USP6NL: variants seen among roughly 807,000 people sequenced by gnomAD.
USP6NL encodes USP6 N-terminal like.
Under a neutral mutation model 61.9 loss-of-function variants are expected in USP6NL, and 26 were observed. The observed-to-expected ratio is 0.42, with a 90% CI of 0.31 to 0.58. The LOEUF is 0.58. Among genes scored for constraint, USP6NL ranks in the 20% least tolerant of loss-of-function variants. The pLI, the probability that USP6NL is intolerant of heterozygous loss-of-function variation, is 0.16. For synonymous variants in USP6NL, 432 were observed against 390.1 expected (o/e 1.11, Z -1.27); for missense variants, 1,114 against 1,034.3 (o/e 1.08, Z -1.06).
chr10:11,544,504 T>A (rs76721980), intron 2 of USP6NL, among the ~76,000 whole-genome samples: 3 of 152,106 alleles, frequency 2.0e-5, no homozygotes, highest in African/African-American at 7.2e-5. Context: ...TTTTTTTTTT[T>A]AAGACAGAAT....
At position 11,585,463 on chromosome 10, in the gene USP6NL, C is replaced by T. The variant is rs569744573; in HGVS notation, c.4+12168G>A. 2.0e-5 allele frequency among the ~76,000 whole-genome samples: 3 copies of T among 152,228 alleles called. No individual in the cohort carries two copies. Among genetic ancestry groups the T allele is most frequent in the South Asian group, 2.1e-4 (1 of 4,826 alleles). ...GAAGCACGAGGTCAGGAGATTGAGA[C>T]CATCCTGGCTAACACAGTGAAACCC... On this transcript the variant is annotated intron_variant, in intron 2 of 14. Coordinates refer to ENST00000609104, the MANE Select transcript of USP6NL (RefSeq NM_014688.5). This position sits in a 1 kb window ranked among gnomAD's most constrained non-coding sequence, Gnocchi z 4.5.
chr10:11,546,632 G>T (rs145841404), intron 2 of USP6NL, among the ~76,000 whole-genome samples: 3 of 152,174 alleles, frequency 2.0e-5, no homozygotes, highest in Admixed American at 1.3e-4. Context: ...TGCCCAGACT[G>T]GTCTCAAACG....
At position 11,495,875 on chromosome 10, in the gene USP6NL, T is replaced by C. The variant is rs188141142; in HGVS notation, c.385-2647A>G. On this transcript the variant is annotated intron_variant, in intron 7 of 14. Coordinates refer to ENST00000609104, the MANE Select transcript of USP6NL (RefSeq NM_014688.5). The surrounding 1 kb of genome is among the most constrained non-coding windows in gnomAD (Gnocchi z 4.6). ...AAAAGTGGGACACAAAAAAGCTGCATGCCTGGGTGAGGCTTCCTGACTGTG... is the reference window on the plus strand; with the variant it reads ...AAAAGTGGGACACAAAAAAGCTGCACGCCTGGGTGAGGCTTCCTGACTGTG... Among the ~76,000 whole-genome samples the C allele has an allele frequency of 8.8e-4, 134 of 152,364 alleles. No homozygotes were observed. Among genetic ancestry groups the C allele is most frequent in the Non-Finnish European group, 1.4e-3 (95 of 68,036 alleles).
At chr10:11,523,009 C>A (rs1450142438) in intron 4 of USP6NL, among the ~76,000 whole-genome samples, 1 of 152,214 alleles carries the variant, frequency 6.6e-6, no homozygotes. Flanking sequence ...ACAGTACCTA[C>A]CCCAAAGAGC....
intron 1 of USP6NL, among the ~76,000 whole-genome samples, chr10:11,610,471 C>G (rs1280639173): frequency 1.3e-5 from 2 of 152,232 alleles, no homozygotes; most frequent in East Asian, 1.9e-4. Context: ...GGGAGTTGGC[C>G]AGGGTGATCT....
intron 1 of USP6NL, among the ~76,000 whole-genome samples, chr10:11,607,691 A>C (rs1279193047): frequency 1.3e-5 from 2 of 152,192 alleles, no homozygotes; most frequent in East Asian, 3.8e-4. Flanking sequence ...GTCACAGGAA[A>C]AGGAAAAAAT....
rs2133449402 is a variant in USP6NL at position 11,540,223 on chromosome 10, G to A, written c.5-12656C>T. On this transcript the variant is annotated intron_variant, in intron 2 of 14. Coordinates refer to ENST00000609104, the MANE Select transcript of USP6NL (RefSeq NM_014688.5). This position sits in a 1 kb window ranked among gnomAD's most constrained non-coding sequence, Gnocchi z 5.0. ...TATTTGTGCAAAATGGAGATGAATG[G>A]TATTCTGAAGAATCCAAGAACAATT... is the stretch of plus-strand genomic sequence containing the variant. 6.6e-6 allele frequency among the ~76,000 whole-genome samples: 1 copy of A among 152,172 alleles called. No homozygotes were observed. The highest frequency in any genetic ancestry group is 6.5e-5 in the Admixed American group (1 of 15,284).
intron 14 of USP6NL, among the ~76,000 whole-genome samples, chr10:11,469,676 T>C (rs183965094): frequency 6.6e-6 from 1 of 152,258 alleles, no homozygotes; most frequent in East Asian, 1.9e-4. Context: ...GAAAAACCCA[T>C]TCCTCCACAT....
chr10:11,508,751 A>G (rs1217734275), intron 6 of USP6NL, among the ~76,000 whole-genome samples: 1 of 152,262 alleles, frequency 6.6e-6, no homozygotes, highest in Non-Finnish European at 1.5e-5. Flanking sequence ...GACTGTGTCA[A>G]GAAAAAGTGC....
intron 1 of USP6NL, among the ~76,000 whole-genome samples, chr10:11,605,420 A>G (rs892879651): frequency 6.6e-6 from 1 of 152,210 alleles, no homozygotes; most frequent in Non-Finnish European, 1.5e-5. Flanking sequence ...TGGCAAAAGC[A>G]ATGAAAAAAA....
intron 5 of USP6NL, among the ~76,000 whole-genome samples, chr10:11,512,245 C>T (rs1591867666): frequency 6.6e-6 from 1 of 152,140 alleles, no homozygotes; most frequent in African/African-American, 2.4e-5. Context: ...ACTATTTTCC[C>T]AAACATGCTG....
intron 5 of USP6NL, among the ~76,000 whole-genome samples, chr10:11,512,179 T>C (rs1379496985): frequency 6.6e-5 from 10 of 152,200 alleles, no homozygotes; most frequent in African/African-American, 2.2e-4. Context: ...AATATAATAG[T>C]GTATTAGAAA....
At position 11,513,400 on chromosome 10, in the gene USP6NL, A is replaced by G. The variant is rs778679885; in HGVS notation, c.196-3725T>C. Among the ~76,000 whole-genome samples, 1 of 152,230 alleles carries G rather than the reference A, an allele frequency of 6.6e-6. No individual in the cohort carries two copies. Among genetic ancestry groups the G allele is most frequent in the African/African-American group, 2.4e-5 (1 of 41,460 alleles). The stretch of plus-strand genomic sequence containing the variant: ...GTGTTGCCAAAAGGCAGAGCTGCTG[A>G]TGTTAACAGCCTATATGAAACTGAT... On this transcript the variant is annotated intron_variant, in intron 5 of 14. Transcript: ENST00000609104. The surrounding 1 kb of genome is among the most constrained non-coding windows in gnomAD (Gnocchi z 4.7).
chr10:11,508,007 T>G (rs1028904642), intron 6 of USP6NL, among the ~76,000 whole-genome samples: 10 of 152,154 alleles, frequency 6.6e-5, no homozygotes, highest in Admixed American at 6.5e-4. Flanking sequence ...AAGAAACTCA[T>G]GCTCCCTGGA....
chr10:11,572,971 C>T (rs189932686), intron 2 of USP6NL, among the ~76,000 whole-genome samples: 44 of 152,172 alleles, frequency 2.9e-4, no homozygotes, highest in Admixed American at 6.5e-4. Flanking sequence ...GTAAGTTAGA[C>T]ATGCAATTTT....
chr10:11,521,582 ATGT>A (rs1306760708), intron 4 of USP6NL, among the ~76,000 whole-genome samples: 2 of 151,950 alleles, frequency 1.3e-5, no homozygotes, highest in Non-Finnish European at 2.9e-5. Flanking sequence ...GGGTTTCACC[ATGT>A]TGGCCAGGCT....
At position 11,597,621 on chromosome 10, in the gene USP6NL, G is replaced by C; in HGVS notation, c.4+10C>G. ...GAGATGGCTGGAAGGAAAGGAAGCA[G>C]CGCACTTACTCATGACTGGAAATGG... On this transcript the variant is annotated intron_variant, in intron 2 of 14. Coordinates refer to ENST00000609104, the MANE Select transcript of USP6NL (RefSeq NM_014688.5). The surrounding 1 kb of genome is among the most constrained non-coding windows in gnomAD (Gnocchi z 4.6). 2 of 1,551,576 alleles carry C rather than the reference G, an allele frequency of 1.3e-6. No individual in the cohort carries two copies. The highest frequency in any genetic ancestry group is 1.7e-6 in the Non-Finnish European group (2 of 1,146,878).
In USP6NL at chr10:11,490,073, C is replaced by T. The variant is rs1833644106; in HGVS notation, c.543+759G>A. ...TCACCAGACGCTTCCCACCTTCCAG[C>T]TCCAATTCCGGTGAGGCCCAACTAG... On this transcript the variant is annotated intron_variant, in intron 9 of 14. Transcript: ENST00000609104. This position sits in a 1 kb window ranked among gnomAD's most constrained non-coding sequence, Gnocchi z 4.5. Among the ~76,000 whole-genome samples, 1 of 152,218 alleles carries T rather than the reference C, an allele frequency of 6.6e-6. No individual in the cohort carries two copies. Among genetic ancestry groups the T allele is most frequent in the Non-Finnish European group, 1.5e-5 (1 of 68,038 alleles).
Position 11,548,069 on chromosome 10 carries a change from A to C in USP6NL, c.5-20502T>G, listed in dbSNP as rs965316679. On this transcript the variant is annotated intron_variant, in intron 2 of 14. Coordinates refer to ENST00000609104, the MANE Select transcript of USP6NL (RefSeq NM_014688.5). The surrounding 1 kb of genome is among the most constrained non-coding windows in gnomAD (Gnocchi z 4.3). ...CACTCAATTTCTCCTTAAGGCTTCC[A>C]GAAATGAAAATCTCACAAGTCAGCC... is the stretch of plus-strand genomic sequence containing the variant. 6.6e-6 allele frequency among the ~76,000 whole-genome samples: 1 copy of C among 152,218 alleles called. No homozygotes were observed. Among genetic ancestry groups the C allele is most frequent in the Non-Finnish European group, 1.5e-5 (1 of 68,016 alleles).
Sources: gnomAD v4.1 joint callset for allele counts (sites outside exome capture counted in the v4.1 genomes callset) on GRCh38, gnomAD v4.1.1 for gene constraint, Gnocchi (gnomAD v3.1) non-coding constraint, MANE v1.5 for transcripts, NCBI Gene and HGNC (gene_info 2026-07-23, HGNC 2026-07-21) for gene names.